ELP4: variants seen among roughly 807,000 people sequenced by gnomAD.
ELP4 encodes the protein elongator complex protein 4.
A neutral mutation model predicts 48.9 loss-of-function variants in ELP4; 51 were observed. That is an observed-to-expected ratio of 1.04 (90% confidence interval 0.83 to 1.32). The LOEUF (loss-of-function observed/expected upper bound fraction) is 1.32. Among genes scored for constraint, ELP4 ranks in the 40% most tolerant of loss-of-function variants. ELP4 has a pLI of 0.00. For synonymous variants in ELP4, 210 were observed against 189.2 expected, an observed-to-expected ratio of 1.11 and a Z score of -0.90; for missense variants, 519 against 514.6, an observed-to-expected ratio of 1.01 and a Z score of -0.08.
chr11:31,650,650 T>C (rs1232202), intron 9 of ELP4: 56,189 of 153,554 alleles, frequency 0.37, 12,317 homozygotes, highest in East Asian at 0.63. Context: ...GAAATTACCT[T>C]TCCTCGTGTG....
At chr11:31,515,029 G>GTATATATATATA (rs1173108055) in intron 1 of ELP4, among the ~76,000 whole-genome samples, 2 of 132,726 alleles carry the variant, frequency 1.5e-5, no homozygotes, top group African/African-American at 5.7e-5. Flanking sequence ...GTGTGTGTGT[G>GTATATATATATA]TGTGTATATA....
intron 7 of ELP4, chr11:31,646,439 C>CAGTA (rs1374012879): frequency 6.6e-6 from 1 of 151,698 alleles, no homozygotes; most frequent in Non-Finnish European, 1.5e-5. Context: ...GTGACACAGG[C>CAGTA]TACTATGTGT....
intron 3 of ELP4, among the ~76,000 whole-genome samples, chr11:31,540,348 A>G (rs1956572226): frequency 2.0e-5 from 3 of 152,362 alleles, no homozygotes; most frequent in South Asian, 2.1e-4. Context: ...AATAAAAACA[A>G]AAGGGACATC....
At chr11:31,733,385 G>A (rs1167082880) in intron 9 of ELP4, among the ~76,000 whole-genome samples, 1 of 149,600 alleles carries the variant, frequency 6.7e-6, no homozygotes, top group Non-Finnish European at 1.5e-5. Flanking sequence ...GCTGAGGCAG[G>A]AGAATTGCTG....
In ELP4 at chr11:31,656,024, A is replaced by G. The variant is rs182835151; in HGVS notation, c.1143+5803A>G. 4.0e-3 allele frequency among the ~76,000 whole-genome samples: 606 copies of G among 152,156 alleles called. 5 individuals carry two copies. The highest frequency in any genetic ancestry group is 0.014 in the African/African-American group (573 of 41,540). ...TAAGTGGTAAGCTTTTGAAAAATCT[A>G]TTAAGCACTTTGGAAGAAAAAACAT... On this transcript the variant is annotated intron_variant, in intron 9 of 9. Coordinates refer to ENST00000640961, the MANE Select transcript of ELP4 (RefSeq NM_019040.5).
chr11:31,692,844 A>G (rs143904116), intron 9 of ELP4, among the ~76,000 whole-genome samples: 1 of 152,146 alleles, frequency 6.6e-6, no homozygotes, highest in East Asian at 1.9e-4. Flanking sequence ...TGTCTCCCTC[A>G]GGGCTTCTAT....
chr11:31,732,210 A>G (rs1387431051), intron 9 of ELP4, among the ~76,000 whole-genome samples: 2 of 152,226 alleles, frequency 1.3e-5, no homozygotes, highest in Non-Finnish European at 2.9e-5. Flanking sequence ...TAGAATTTAA[A>G]TAAAAGTAGA....
intron 9 of ELP4, among the ~76,000 whole-genome samples, chr11:31,672,738 A>G (rs980445482): frequency 2.6e-5 from 4 of 152,164 alleles, no homozygotes; most frequent in Admixed American, 2.6e-4. Flanking sequence ...ATGGTGAGCC[A>G]TGATTGTGCC....
chr11:31,510,584 A>T, intron 1 of ELP4: 1 of 393,772 alleles, frequency 2.5e-6, no homozygotes, highest in Non-Finnish European at 4.5e-6. Flanking sequence ...CCTGTCGTTG[A>T]TATTTAGATA....
chr11:31,566,278 A>T (rs1957109756), intron 3 of ELP4, among the ~76,000 whole-genome samples: 1 of 151,934 alleles, frequency 6.6e-6, no homozygotes, highest in South Asian at 2.1e-4. Context: ...TAATTGCTTG[A>T]ACCCGGGAGG....
chr11:31,592,005 A>G (rs7104465), intron 3 of ELP4, among the ~76,000 whole-genome samples: 4,029 of 152,294 alleles, frequency 0.026, 165 homozygotes, highest in African/African-American at 0.091. Context: ...ACAAAAGGTC[A>G]CGTATTGTAT....
chr11:31,638,149 C>T (rs994976788), intron 7 of ELP4, among the ~76,000 whole-genome samples: 2 of 151,760 alleles, frequency 1.3e-5, no homozygotes, highest in Non-Finnish European at 2.9e-5. Flanking sequence ...TTCAAGCTGT[C>T]ATAGTCTGCA....
At chr11:31,697,251 G>C (rs1213622262) in intron 9 of ELP4, among the ~76,000 whole-genome samples, 2 of 152,138 alleles carry the variant, frequency 1.3e-5, no homozygotes, top group Non-Finnish European at 2.9e-5. Flanking sequence ...TGTGACTTTA[G>C]AAGAGTTATC....
At chr11:31,632,652 CT>C in intron 7 of ELP4, 1 of 345,384 alleles carries the variant, frequency 2.9e-6, no homozygotes, top group Non-Finnish European at 5.2e-6. Flanking sequence ...CTATGACTTG[CT>C]TTTTCTATTT....
chr11:31,736,060 A>G (rs1592265404), intron 9 of ELP4, among the ~76,000 whole-genome samples: 1 of 152,204 alleles, frequency 6.6e-6, no homozygotes, highest in African/African-American at 2.4e-5. Flanking sequence ...GCATCATGCT[A>G]CCTGACTTCA....
At chr11:31,745,668 T>TG (rs1445464053) in intron 9 of ELP4, among the ~76,000 whole-genome samples, 2 of 152,170 alleles carry the variant, frequency 1.3e-5, no homozygotes, top group African/African-American at 4.8e-5. Flanking sequence ...TAAATGGTGC[T>TG]GGGAAAACTG....
intron 7 of ELP4, among the ~76,000 whole-genome samples, chr11:31,637,633 G>A (rs1313591999): frequency 6.6e-6 from 1 of 151,798 alleles, no homozygotes; most frequent in Non-Finnish European, 1.5e-5. Flanking sequence ...TTTGCAAAGT[G>A]GTAACTTTAA....
At chr11:31,745,121 G>A (rs1947553846) in intron 9 of ELP4, among the ~76,000 whole-genome samples, 1 of 152,118 alleles carries the variant, frequency 6.6e-6, no homozygotes, top group Admixed American at 6.5e-5. Flanking sequence ...GCCAAATCAT[G>A]AGTGAACTCC....
At chr11:31,524,685 C>T (rs1190818679) in intron 2 of ELP4, among the ~76,000 whole-genome samples, 1 of 152,206 alleles carries the variant, frequency 6.6e-6, no homozygotes, top group African/African-American at 2.4e-5. Context: ...TCTTAATAGT[C>T]CTCACAGAAT....
Sources: allele counts gnomAD v4.1 joint callset (sites outside exome capture counted in the v4.1 genomes callset), GRCh38; gene constraint gnomAD v4.1.1; transcripts MANE v1.5; gene names NCBI Gene and HGNC (gene_info 2026-07-23, HGNC 2026-07-21).